Variants in ABCA13 observed in about 807,000 individuals in gnomAD.
ABCA13 encodes ATP binding cassette subfamily A member 13.
Under a neutral mutation model 478.7 loss-of-function variants are expected in ABCA13, and 476 were observed. The ratio of observed to expected loss-of-function variants is 0.99; its 90% CI spans 0.92 to 1.07. The LOEUF (loss-of-function observed/expected upper bound fraction) is 1.07, where lower values mean the gene tolerates loss of function less well. Among genes scored for constraint, ABCA13 ranks in the 50% least tolerant of loss-of-function variants. The pLI, the probability that ABCA13 is intolerant of heterozygous loss-of-function variation, is 0.00. For missense variants in ABCA13, 6,060 were observed against 5,910.6 expected, an observed-to-expected ratio of 1.03 and a Z score of -0.83; for synonymous variants, 2,252 against 2,158.9, an observed-to-expected ratio of 1.04 and a Z score of -1.20.
rs758906702 is a variant in ABCA13, at chr7:48,276,360, C to G, written c.6694C>G (p.Leu2232Val). 1 of 1,547,938 alleles carries G rather than the reference C, an allele frequency of 6.5e-7. No homozygotes were observed. The highest frequency in any genetic ancestry group is 8.7e-7 in the Non-Finnish European group (1 of 1,147,512). Reference sequence around the variant, plus strand: ...AGCTTGGAACTTAAATGATACTGACCTTCAAATAATGAATTTCATTAACCT... The same window carrying G: ...AGCTTGGAACTTAAATGATACTGACGTTCAAATAATGAATTTCATTAACCT... ...EAAWNLNDTD[L>V]QIMNFINLIL... The change falls in exon 17 of 62, where the codon CTT (leucine) becomes GTT (valine). Residue 2232 changes from leucine to valine, a missense_variant. Physicochemically the swap from Leu to Val is conservative, Grantham distance 32. Transcript: ENST00000435803.
chr7:48,534,022 T>A (rs1833408395), intron 55 of ABCA13, among the ~76,000 whole-genome samples: 1 of 152,024 alleles, frequency 6.6e-6, no homozygotes, highest in Non-Finnish European at 1.5e-5. Context: ...GTTGCCTGAA[T>A]GTCTTGTTTG....
chr7:48,341,800 C>A (rs1807207416), intron 29 of ABCA13, among the ~76,000 whole-genome samples: 1 of 85,034 alleles, frequency 1.2e-5, no homozygotes, highest in Non-Finnish European at 2.5e-5. Context: ...ACCTTGTCTT[C>A]TTTTCTTTTC....
intron 30 of ABCA13, among the ~76,000 whole-genome samples, chr7:48,351,429 T>C (rs937703683): frequency 6.6e-6 from 1 of 152,204 alleles, no homozygotes; most frequent in Admixed American, 6.5e-5. Context: ...GGAAGCTAGA[T>C]ATTCCGGATG....
In ABCA13 at chr7:48,241,025, G is replaced by A. The variant is rs754907893; in HGVS notation, c.1221G>A (p.Leu407=). Residue 407 remains leucine, a synonymous_variant, in exon 10 of 62, where the codon TTG becomes TTA. Coordinates refer to ENST00000435803, the MANE Select transcript of ABCA13 (RefSeq NM_152701.5). ...HTALLLLNDS[L]SADGPKDNHT... is the part of the protein sequence containing the mutation. ...CACTGCTCCTGCTGAATGACAGCTT[G>A]TCAGCAGATGGCCCAAAAGATAATC... 3.7e-6 allele frequency: 6 copies of A among 1,614,034 alleles called. No homozygotes were observed. The highest frequency in any genetic ancestry group is 5.1e-6 in the Non-Finnish European group (6 of 1,179,888).
At chr7:48,487,312 A>AC (rs1829406181) in intron 47 of ABCA13, among the ~76,000 whole-genome samples, 3 of 102,584 alleles carry the variant, frequency 2.9e-5, no homozygotes, top group African/African-American at 1.4e-4. Flanking sequence ...GTGTCTCAAA[A>AC]AAAAAACAAA....
intron 48 of ABCA13, among the ~76,000 whole-genome samples, chr7:48,493,521 A>G (rs1203257112): frequency 1.3e-5 from 2 of 152,318 alleles, no homozygotes; most frequent in African/African-American, 4.8e-5. Flanking sequence ...AGTAAAAATG[A>G]AAAGGGATAA....
At chr7:48,264,360 C>T (rs982010358) in intron 15 of ABCA13, among the ~76,000 whole-genome samples, 2 of 151,810 alleles carry the variant, frequency 1.3e-5, no homozygotes, top group African/African-American at 4.8e-5. Flanking sequence ...AATTCACAAA[C>T]TGTTTTTTAA....
chr7:48,341,331 C>T (rs1055624435), intron 29 of ABCA13, among the ~76,000 whole-genome samples: 1 of 148,652 alleles, frequency 6.7e-6, no homozygotes, highest in African/African-American at 2.5e-5. Context: ...GCTAGCCGCT[C>T]CTGCCAGCAC....
At position 48,273,570 on chromosome 7, in the gene ABCA13, C is replaced by G. The variant is rs550092103; in HGVS notation, c.3904C>G (p.Leu1302Val). 3 of 1,583,320 alleles carry G rather than the reference C, an allele frequency of 1.9e-6. No individual in the cohort carries two copies. The highest frequency in any genetic ancestry group is 2.3e-5 in the East Asian group (1 of 43,952). The change falls in exon 17 of 62, where the codon CTA becomes GTA. Residue 1302 changes from leucine (L) to valine (V), a missense_variant. Around this residue, in one of 3 missense-constraint regions of ABCA13, gnomAD observed 4,423 missense variants for 4,309.1 expected, o/e 1.03. Transcript: ENST00000435803. ...SSTSEYIVRNLDSINDFLSNN... is the reference protein window; with the variant it reads ...SSTSEYIVRNVDSINDFLSNN... Reference sequence around the variant, plus strand: ...TACCTCAGAATATATAGTCAGAAATCTAGATTCAATAAATGACTTTCTTTC... The same window carrying G: ...TACCTCAGAATATATAGTCAGAAATGTAGATTCAATAAATGACTTTCTTTC...
intron 20 of ABCA13, among the ~76,000 whole-genome samples, chr7:48,288,343 A>G (rs1318216285): frequency 6.6e-6 from 1 of 152,240 alleles, no homozygotes; most frequent in Non-Finnish European, 1.5e-5. Flanking sequence ...GTTGTTAAAC[A>G]TAGATGTCAT....
intron 59 of ABCA13, among the ~76,000 whole-genome samples, chr7:48,641,869 A>G (rs1236581650): frequency 6.6e-6 from 1 of 152,176 alleles, no homozygotes; most frequent in Non-Finnish European, 1.5e-5. Flanking sequence ...GTGAAGACAC[A>G]ATGGGTTGAT....
intron 57 of ABCA13, among the ~76,000 whole-genome samples, chr7:48,588,351 C>T (rs1414166624): frequency 1.3e-5 from 2 of 152,184 alleles, no homozygotes; most frequent in South Asian, 2.1e-4. Context: ...GTTAACAAGA[C>T]GTGGGCATTC....
rs201371530 is a variant in ABCA13, at chr7:48,475,552, G to A, written c.12975+3953G>A. 4.3e-4 allele frequency among the ~76,000 whole-genome samples: 40 copies of A among 93,642 alleles called. No homozygotes were observed. In the South Asian group the frequency reaches 8.6e-3, roughly 20 times the overall value. 61.4% of individuals were successfully genotyped at this position (93,642 alleles called of 152,430 possible). ...GTGATCTCGACTCACTGCCACCTCCGCCTTCTGGGTTCAAGTGATTCTTCT... is the reference window on the plus strand; with the variant it reads ...GTGATCTCGACTCACTGCCACCTCCACCTTCTGGGTTCAAGTGATTCTTCT... On this transcript the variant is annotated intron_variant, in intron 45 of 61. Coordinates refer to ENST00000435803, the MANE Select transcript of ABCA13 (RefSeq NM_152701.5).
At chr7:48,522,697 C>T (rs1344491946) in intron 53 of ABCA13, among the ~76,000 whole-genome samples, 1 of 152,156 alleles carries the variant, frequency 6.6e-6, no homozygotes, top group Non-Finnish European at 1.5e-5. Flanking sequence ...AGTCAATTGT[C>T]TCCACCAACC....
intron 57 of ABCA13, among the ~76,000 whole-genome samples, chr7:48,592,933 G>T (rs907222400): frequency 2.0e-5 from 3 of 151,630 alleles, no homozygotes; most frequent in African/African-American, 7.3e-5. Flanking sequence ...TTTACCTATT[G>T]TTTCACACTC....
intron 55 of ABCA13, among the ~76,000 whole-genome samples, chr7:48,544,912 A>G (rs1321872467): frequency 6.6e-6 from 1 of 151,926 alleles, no homozygotes; most frequent in East Asian, 1.9e-4. Flanking sequence ...GGGTCAGAAT[A>G]GAACTGAACT....
At chr7:48,202,650 T>C in intron 3 of ABCA13, among the ~76,000 whole-genome samples, 1 of 148,840 alleles carries the variant, frequency 6.7e-6, no homozygotes, top group Non-Finnish European at 1.5e-5. Flanking sequence ...ATAAAGGTTC[T>C]CCAAGGCCCC....
At chr7:48,548,600 T>A (rs73109364) in intron 55 of ABCA13, among the ~76,000 whole-genome samples, 21,118 of 151,034 alleles carry the variant, frequency 0.14, 2,025 homozygotes, top group African/African-American at 0.23. Context: ...AACCTCACGC[T>A]ATGGCTTATG....
intron 1 of ABCA13, among the ~76,000 whole-genome samples, chr7:48,182,249 C>T (rs773593840): frequency 6.6e-6 from 1 of 152,072 alleles, no homozygotes; most frequent in Non-Finnish European, 1.5e-5. Context: ...CTATCGATAC[C>T]CTAACGATTG....
Sources: allele counts gnomAD v4.1 joint callset (sites outside exome capture counted in the v4.1 genomes callset), GRCh38; gene constraint gnomAD v4.1.1; regional missense constraint gnomAD v4.1.1; transcripts MANE v1.5; gene names NCBI Gene and HGNC (gene_info 2026-07-23, HGNC 2026-07-21).